XRCC3: variants seen among roughly 807,000 people sequenced by gnomAD.
XRCC3 encodes the protein DNA repair protein XRCC3.
Under a neutral mutation model 29.2 loss-of-function variants are expected in XRCC3, and 34 were observed. The ratio of observed to expected loss-of-function variants is 1.16; its 90% CI spans 0.88 to 1.55. The LOEUF is 1.55. Ranked by LOEUF, XRCC3 falls within the 40% of genes most tolerant of loss-of-function variation. The pLI is 0.00. For synonymous variants in XRCC3, 223 were observed against 211.3 expected, an observed-to-expected ratio of 1.06 and a Z score of -0.48; for missense variants, 463 against 467.6, an observed-to-expected ratio of 0.99 and a Z score of 0.09.
chr14:103,713,743 G>GT lies in XRCC3; in HGVS notation c.-317-813dup, dbSNP rs1438757382. 1.3e-5 allele frequency: 2 copies of GT among 152,274 alleles called. 1 individual carries two copies. Among genetic ancestry groups the GT allele is most frequent in the East Asian group, 3.8e-4 (2 of 5,206 alleles). 9.4% of individuals were successfully genotyped at this position (152,274 alleles called of 1,614,324 possible). A position where few individuals can be genotyped will look rare whatever the true frequency, so the allele number is the denominator to read the frequency against. On this transcript the variant is annotated intron_variant, in intron 1 of 9. Coordinates refer to ENST00000555055, the MANE Select transcript of XRCC3 (RefSeq NM_005432.4). ...CACTTACATAGTCTGATGTTTTGGGGTGACCTGACCCCCCTGCAAGAGTGT... is the reference window on the plus strand; with the variant it reads ...CACTTACATAGTCTGATGTTTTGGGGTTGACCTGACCCCCCTGCAAGAGTGT...
At chr14:103,706,782 G>A (rs2083450960) in intron 6 of XRCC3, 1 of 613,448 alleles carries the variant, frequency 1.6e-6, no homozygotes, top group Non-Finnish European at 2.9e-6. Flanking sequence ...GCCTGGTGGT[G>A]GGGTTCGTAC....
chr14:103,699,314 T>C (rs567960077), intron 8 of XRCC3, 50 bp downstream of exon 8: 322 of 1,555,760 alleles, frequency 2.1e-4, no homozygotes, highest in Non-Finnish European at 2.5e-4. Flanking sequence ...TGCTTCCGCA[T>C]CCTGGCTAAA....
chr14:103,712,356 G>C (rs1180799616), intron 2 of XRCC3: 2 of 153,838 alleles, frequency 1.3e-5, no homozygotes, highest in Non-Finnish European at 2.9e-5. Context: ...AGGCAGGGCG[G>C]TGGGGCGCTG....
At chr14:103,700,839 C>G (rs137878596) in intron 7 of XRCC3, 40 of 894,634 alleles carry the variant, frequency 4.5e-5, no homozygotes, top group Non-Finnish European at 6.3e-5. Flanking sequence ...CTGCTGCTAG[C>G]TGCCAGGCTG....
intron 7 of XRCC3, chr14:103,700,379 G>A (rs994265231): frequency 7.4e-6 from 3 of 405,264 alleles, no homozygotes; most frequent in African/African-American, 4.2e-5. Context: ...GGGTGCCAGA[G>A]CCATTGGCAT....
At chr14:103,702,984 C>T (rs935954786) in intron 7 of XRCC3, 189 bp downstream of exon 7, 74 of 843,428 alleles carry the variant, frequency 8.8e-5, no homozygotes, top group Non-Finnish European at 1.1e-5. Flanking sequence ...CAGTTCCTCT[C>T]AGTCACTCTC....
At chr14:103,701,965 C>T (rs1238132785) in intron 7 of XRCC3, 3 of 152,180 alleles carry the variant, frequency 2.0e-5, no homozygotes, top group Admixed American at 6.5e-5. Flanking sequence ...GGCAGCCGCT[C>T]CCCCTGCACA....
At chr14:103,711,974 G>A (rs906529981) in intron 2 of XRCC3, 3 of 348,534 alleles carry the variant, frequency 8.6e-6, no homozygotes, top group South Asian at 2.2e-5. Flanking sequence ...GCCCTTGGCC[G>A]TAACCCAGCA....
intron 7 of XRCC3, chr14:103,700,073 G>A: frequency 4.4e-6 from 1 of 228,304 alleles, no homozygotes; most frequent in Admixed American, 5.2e-5. Context: ...AGCAAGGCAG[G>A]GGCCTGATGC....
At chr14:103,700,912 G>T (rs76914197) in intron 7 of XRCC3, among the ~76,000 whole-genome samples, 15 of 152,156 alleles carry the variant, frequency 9.9e-5, no homozygotes, top group Non-Finnish European at 1.6e-4. Context: ...GCCACAGAGT[G>T]GGGGGGTGGG....
At chr14:103,700,805 G>T (rs569905965) in intron 7 of XRCC3, 5 of 1,223,794 alleles carry the variant, frequency 4.1e-6, no homozygotes, top group Non-Finnish European at 5.6e-6. Flanking sequence ...GGACTGGGGG[G>T]AGCTGGGGAT....
intron 7 of XRCC3, chr14:103,699,928 A>C (rs1595632587): frequency 3.2e-5 from 11 of 340,108 alleles, no homozygotes; most frequent in Admixed American, 4.0e-5. Flanking sequence ...CCATGGTTTC[A>C]CCCTCTCCCC....
chr14:103,708,579 C>T lies in XRCC3; in HGVS notation c.136G>A (p.Val46Ile). The T allele has an allele frequency of 6.2e-7, 1 of 1,614,228 alleles. No homozygotes were observed. The highest frequency in any genetic ancestry group is 8.5e-7 in the Non-Finnish European group (1 of 1,180,046). ...KRLTNLSSPE[V>I]WHLLRTASLH... is the part of the protein sequence containing the mutation. ...GAGGCCGTTCTCAGCAAGTGCCAGA[C>T]CTCGGGGCTGGAGAGGTTGGTCAGT... The change falls in exon 5 of 10, where the codon GTC (valine) becomes ATC (isoleucine). Residue 46 changes from valine to isoleucine, a missense_variant. Val to Ile is a conservative substitution (Grantham distance 29). Coordinates refer to ENST00000555055, the MANE Select transcript of XRCC3 (RefSeq NM_005432.4).
chr14:103,708,950 C>T (rs2083535034), intron 4 of XRCC3: 1 of 419,712 alleles, frequency 2.4e-6, no homozygotes, highest in Admixed American at 3.5e-5. Flanking sequence ...TGGGCAGGTC[C>T]CGGTGCTGAG....
At position 103,708,599 on chromosome 14, in the gene XRCC3, G is replaced by C; in HGVS notation, c.116C>G (p.Thr39Ser). Reference protein sequence around the residue: ...HFSGPDLKRLTNLSSPEVWHL... With the variant: ...HFSGPDLKRLSNLSSPEVWHL... ...CCAGACCTCGGGGCTGGAGAGGTTGGTCAGTCTCTTCAAGTCTGGTCCAGA... is the reference window on the plus strand; with the variant it reads ...CCAGACCTCGGGGCTGGAGAGGTTGCTCAGTCTCTTCAAGTCTGGTCCAGA... Residue 39 changes from threonine to serine, a missense_variant, in exon 5 of 10, where the codon ACC becomes AGC. Coordinates refer to ENST00000555055, the MANE Select transcript of XRCC3 (RefSeq NM_005432.4). 6.2e-7 allele frequency: 1 copy of C among 1,614,222 alleles called. No homozygotes were observed. Among genetic ancestry groups the C allele is most frequent in the Non-Finnish European group, 8.5e-7 (1 of 1,180,038 alleles).
chr14:103,702,341 G>C (rs1257882342), intron 7 of XRCC3: 3 of 152,346 alleles, frequency 2.0e-5, no homozygotes, highest in Non-Finnish European at 4.4e-5. Context: ...GCCAGGTGGA[G>C]CCCCTGTGCC....
At chr14:103,703,716 G>A (rs1314673258) in intron 6 of XRCC3, 4 of 301,942 alleles carry the variant, frequency 1.3e-5, no homozygotes, top group Non-Finnish European at 2.6e-5. Context: ...AACGCCTTCT[G>A]GAAATGGCCC....
chr14:103,700,765 C>G, intron 7 of XRCC3: 1 of 1,506,008 alleles, frequency 6.6e-7, no homozygotes, highest in Non-Finnish European at 9.0e-7. Context: ...AAGCAGGCAG[C>G]TGGGCCAGGG....
Position 103,698,969 on chromosome 14 carries a change from G to C in XRCC3, c.870C>G (p.Asn290Lys), listed in dbSNP as rs757288071. The change falls in exon 10 of 10, where the codon AAC becomes AAG. Residue 290 changes from asparagine (N) to lysine (K), a missense_variant. Transcript: ENST00000555055. ...VSPALGITWA[N>K]QLLVRLLADR... ...CAGCCAGCAGTCTCACCAGGAGCTG[G>C]TTAGCCCAGGTTATGCCAAGGGCTG... 9 of 1,599,116 alleles carry C rather than the reference G, an allele frequency of 5.6e-6. No individual in the cohort carries two copies. The highest frequency in any genetic ancestry group is 6.8e-6 in the Non-Finnish European group (8 of 1,173,072).
Sources: allele counts gnomAD v4.1 joint callset (sites outside exome capture counted in the v4.1 genomes callset), GRCh38; gene constraint gnomAD v4.1.1; transcripts MANE v1.5; gene names NCBI Gene and HGNC (gene_info 2026-07-23, HGNC 2026-07-21).